PEAK1: variants seen among roughly 807,000 people sequenced by gnomAD.
The protein encoded by PEAK1 is pseudopodium enriched atypical kinase 1.
In PEAK1, 54 loss-of-function variants were observed where a neutral mutation model predicts 124.7. The ratio of observed to expected loss-of-function variants is 0.43; its 90% CI spans 0.35 to 0.54. The LOEUF is 0.54. Ranked by LOEUF, PEAK1 falls within the 20% of genes least tolerant of loss-of-function variation. PEAK1 has a pLI of 0.01. For missense variants in PEAK1, 2,046 were observed against 2,134.5 expected, an observed-to-expected ratio of 0.96 and a Z score of 0.82; for synonymous variants, 719 against 760.0, an observed-to-expected ratio of 0.95 and a Z score of 0.89.
chr15:77,322,475 C>G, intron 2 of PEAK1, among the ~76,000 whole-genome samples: 1 of 152,114 alleles, frequency 6.6e-6, no homozygotes, highest in Middle Eastern at 3.2e-3. Flanking sequence ...GAAATACAAA[C>G]TACCATCAGA....
At position 77,263,955 on chromosome 15, in the gene PEAK1, C is replaced by T. The variant is rs529394562; in HGVS notation, c.-274-11429G>A. Among the ~76,000 whole-genome samples, 76 of 152,230 alleles carry T rather than the reference C, an allele frequency of 5.0e-4. 1 individual carries two copies. Among genetic ancestry groups the T allele is most frequent in the African/African-American group, 1.5e-3 (61 of 41,552 alleles). ...TGGGATGCAAGGCTGGTTCAACATA[C>T]GCAAATCAATAAACATAATCCAGCA... On this transcript the variant is annotated intron_variant, in intron 5 of 9. Transcript: ENST00000682557.
intron 9 of PEAK1, among the ~76,000 whole-genome samples, chr15:77,119,298 T>A (rs926468072): frequency 6.6e-6 from 1 of 152,230 alleles, no homozygotes; most frequent in Admixed American, 6.5e-5. Flanking sequence ...TCAGCTGGTA[T>A]ATACATATGC....
chr15:77,211,655 C>T (rs910627790), intron 6 of PEAK1, among the ~76,000 whole-genome samples: 2 of 151,924 alleles, frequency 1.3e-5, no homozygotes, highest in African/African-American at 4.8e-5. Context: ...TTGAGACCAG[C>T]TGGCCAATGT....
At chr15:77,199,515 T>C (rs1340772729) in intron 6 of PEAK1, among the ~76,000 whole-genome samples, 1 of 152,202 alleles carries the variant, frequency 6.6e-6, no homozygotes, top group African/African-American at 2.4e-5. Context: ...GATGACATTG[T>C]TGTTACAGAA....
At chr15:77,283,222 T>G (rs1272284164) in intron 5 of PEAK1, among the ~76,000 whole-genome samples, 1 of 152,224 alleles carries the variant, frequency 6.6e-6, no homozygotes, top group Non-Finnish European at 1.5e-5. Context: ...CAAATTTTGT[T>G]GTATATCAAC....
chr15:77,345,325 G>T (rs2066808000), intron 2 of PEAK1, among the ~76,000 whole-genome samples: 1 of 152,074 alleles, frequency 6.6e-6, no homozygotes, highest in African/African-American at 2.4e-5. Context: ...CATTCAACTG[G>T]ATAGCTTTGT....
intron 2 of PEAK1, among the ~76,000 whole-genome samples, chr15:77,304,095 A>G (rs2063934800): frequency 6.6e-6 from 1 of 152,210 alleles, no homozygotes; most frequent in South Asian, 2.1e-4. Context: ...TCGTGGCCTT[A>G]CAGTAAGCCA....
chr15:77,198,350 C>A (rs529720939), intron 6 of PEAK1, among the ~76,000 whole-genome samples: 28 of 152,232 alleles, frequency 1.8e-4, no homozygotes, highest in African/African-American at 6.0e-4. Flanking sequence ...ATGCTGTAAA[C>A]CTTAAATAAC....
chr15:77,214,458 T>C (rs1226014892), intron 6 of PEAK1, among the ~76,000 whole-genome samples: 1 of 137,840 alleles, frequency 7.3e-6, no homozygotes, highest in Non-Finnish European at 1.6e-5. Flanking sequence ...CTACTAAAAA[T>C]ACAAAAAAAA....
At chr15:77,392,810 T>A (rs781093315) in intron 1 of PEAK1, among the ~76,000 whole-genome samples, 3 of 152,140 alleles carry the variant, frequency 2.0e-5, no homozygotes, top group Non-Finnish European at 4.4e-5. Context: ...AAAGAGCACC[T>A]TCATAACAAG....
intron 5 of PEAK1, among the ~76,000 whole-genome samples, chr15:77,254,839 G>T (rs1168438849): frequency 6.6e-6 from 1 of 152,168 alleles, no homozygotes; most frequent in East Asian, 1.9e-4. Context: ...CAATAAAAAT[G>T]CAAGATCTCT....
intron 1 of PEAK1, among the ~76,000 whole-genome samples, chr15:77,392,662 C>CCTACCCA (rs2070569381): frequency 6.6e-6 from 1 of 152,092 alleles, no homozygotes; most frequent in Non-Finnish European, 1.5e-5. Context: ...CCCTCATGGA[C>CCTACCCA]GGTCTTCTTT....
chr15:77,166,149 A>C (rs1212949006), intron 7 of PEAK1, among the ~76,000 whole-genome samples: 1 of 148,494 alleles, frequency 6.7e-6, no homozygotes, highest in Non-Finnish European at 1.5e-5. Context: ...TTACATTTCC[A>C]AAAAAATTTT....
chr15:77,207,126 A>G (rs894326078), intron 6 of PEAK1, among the ~76,000 whole-genome samples: 3 of 152,222 alleles, frequency 2.0e-5, no homozygotes, highest in Non-Finnish European at 4.4e-5. Context: ...AAGATGGATT[A>G]AAGACTTAAA....
At chr15:77,375,758 G>A (rs2068957653) in intron 1 of PEAK1, among the ~76,000 whole-genome samples, 1 of 152,166 alleles carries the variant, frequency 6.6e-6, no homozygotes, top group Admixed American at 6.5e-5. Context: ...CACTTTGGGA[G>A]GCCGAGGCGG....
intron 6 of PEAK1, among the ~76,000 whole-genome samples, chr15:77,240,294 A>G (rs968678932): frequency 6.6e-5 from 10 of 152,194 alleles, no homozygotes; most frequent in African/African-American, 1.4e-4. Flanking sequence ...TTTCAACATT[A>G]GAGAAAAATT....
rs568682331 is a variant in PEAK1 at position 77,258,508 on chromosome 15, T to G, written c.-274-5982A>C. ...GAAGCAATTGTGAATGGGAGTTCAC[T>G]CATGATTTGGCTCTCTGTTTGTCTG... is the stretch of plus-strand genomic sequence containing the variant. On this transcript the variant is annotated intron_variant, in intron 5 of 9. Coordinates refer to ENST00000682557, the MANE Select transcript of PEAK1 (RefSeq NM_001385026.1). 4.3e-3 allele frequency among the ~76,000 whole-genome samples: 648 copies of G among 152,308 alleles called. 1 individual carries two copies. Among genetic ancestry groups the G allele is most frequent in the African/African-American group, 0.013 (553 of 41,552 alleles).
chr15:77,189,197 T>C (rs1242704874), intron 6 of PEAK1, among the ~76,000 whole-genome samples: 1 of 151,960 alleles, frequency 6.6e-6, no homozygotes, highest in Admixed American at 6.6e-5. Context: ...CGAGACTCTA[T>C]CTCAAAAAAA....
At chr15:77,345,124 G>A (rs1166867857) in intron 2 of PEAK1, among the ~76,000 whole-genome samples, 2 of 152,096 alleles carry the variant, frequency 1.3e-5, no homozygotes, top group African/African-American at 4.8e-5. Flanking sequence ...CTGGATCTTA[G>A]AGCAAAACCT....
Sources: gnomAD v4.1 joint callset for allele counts (sites outside exome capture counted in the v4.1 genomes callset) on GRCh38, gnomAD v4.1.1 for gene constraint, MANE v1.5 for transcripts, NCBI Gene and HGNC (gene_info 2026-07-23, HGNC 2026-07-21) for gene names.